LRRC38: variants seen among roughly 807,000 people sequenced by gnomAD.
LRRC38 encodes leucine rich repeat containing 38.
In LRRC38, 5 loss-of-function variants were observed where a neutral mutation model predicts 16.4. The ratio of observed to expected loss-of-function variants is 0.31; its 90% CI spans 0.16 to 0.64. LRRC38 has a LOEUF of 0.64. LRRC38 is among the 30% of genes least tolerant of loss of function. The pLI is 0.80. For missense variants in LRRC38, 341 were observed against 401.8 expected (o/e 0.85, Z 1.29); for synonymous variants, 191 against 190.2 (o/e 1.00, Z -0.04).
chr1:13,490,247 C>T (rs1638993639), intron 1 of LRRC38, among the ~76,000 whole-genome samples: 1 of 152,114 alleles, frequency 6.6e-6, no homozygotes, highest in African/African-American at 2.4e-5. Flanking sequence ...TAACCTCCGC[C>T]TCTCGGGTTC....
At chr1:13,481,431 G>A (rs577018076) in intron 1 of LRRC38, among the ~76,000 whole-genome samples, 46 of 146,198 alleles carry the variant, frequency 3.1e-4, no homozygotes, top group African/African-American at 1.1e-3. Context: ...TCGCTCTGTC[G>A]CCCAGGCTGG....
intron 1 of LRRC38, among the ~76,000 whole-genome samples, chr1:13,507,700 C>T (rs1639229241): frequency 6.6e-6 from 1 of 152,024 alleles, no homozygotes; most frequent in Admixed American, 6.5e-5. Context: ...GGTGTGGTGG[C>T]AGGCGCCTAT....
intron 1 of LRRC38, among the ~76,000 whole-genome samples, chr1:13,481,541 A>G (rs187591005): frequency 4.6e-4 from 69 of 151,422 alleles, no homozygotes; most frequent in African/African-American, 1.0e-3. Flanking sequence ...ACAGGCACCC[A>G]CCACCACGCC....
chr1:13,482,980 G>A (rs1326086055), intron 1 of LRRC38, among the ~76,000 whole-genome samples: 1 of 152,138 alleles, frequency 6.6e-6, no homozygotes, highest in East Asian at 1.9e-4. Context: ...GGGCCATGTA[G>A]CAGGGAAATG....
At chr1:13,482,770 C>G (rs1638885460) in intron 1 of LRRC38, among the ~76,000 whole-genome samples, 2 of 152,120 alleles carry the variant, frequency 1.3e-5, no homozygotes, top group Non-Finnish European at 2.9e-5. Context: ...CCTGACCTAT[C>G]CCGTCAGCTG....
chr1:13,478,656 G>C (rs773537528), intron 1 of LRRC38, among the ~76,000 whole-genome samples: 1 of 152,086 alleles, frequency 6.6e-6, no homozygotes, highest in Admixed American at 6.5e-5. Context: ...CCCATTTCCA[G>C]CATTATGTGA....
At chr1:13,483,428 C>T (rs973653074) in intron 1 of LRRC38, among the ~76,000 whole-genome samples, 2 of 152,178 alleles carry the variant, frequency 1.3e-5, no homozygotes, top group African/African-American at 2.4e-5. Context: ...GGATTACAGG[C>T]GTGAGCCACC....
chr1:13,509,239 T>C (rs963934554), intron 1 of LRRC38, among the ~76,000 whole-genome samples: 1 of 152,032 alleles, frequency 6.6e-6, no homozygotes, highest in African/African-American at 2.4e-5. Context: ...ATCTCTTTCC[T>C]AGTGCTGTAA....
chr1:13,497,962 CAAA>C (rs370605050), intron 1 of LRRC38, among the ~76,000 whole-genome samples: 3 of 69,012 alleles, frequency 4.3e-5, no homozygotes, highest in African/African-American at 1.7e-4. Flanking sequence ...AACTCCATCA[CAAA>C]AAAAAAAAAA....
In LRRC38 at chr1:13,475,467, C is replaced by T. The variant is rs1638775049; in HGVS notation, c.*379G>A. The T allele has an allele frequency of 4.5e-6, 1 of 223,842 alleles. No homozygotes were observed. The highest frequency in any genetic ancestry group is 8.3e-5 in the South Asian group (1 of 12,026). The allele number at this position is 223,842 out of a possible 1,614,324, so 13.9% of individuals were successfully genotyped here. A position where few individuals can be genotyped will look rare whatever the true frequency, so the allele number is the denominator to read the frequency against. On this transcript the variant is annotated 3_prime_UTR_variant, in exon 2 of 2. Transcript: ENST00000376085. This position sits in a 1 kb window ranked among gnomAD's most constrained non-coding sequence, Gnocchi z 4.3. Reference sequence around the variant, plus strand: ...GCAGATGTTTCATGATCTCCCAGTACAGGTCAGAAAAAGAATGGCGTAAAA... The same window carrying T: ...GCAGATGTTTCATGATCTCCCAGTATAGGTCAGAAAAAGAATGGCGTAAAA...
chr1:13,479,181 T>C (rs985302195), intron 1 of LRRC38, among the ~76,000 whole-genome samples: 1 of 151,854 alleles, frequency 6.6e-6, no homozygotes, highest in Non-Finnish European at 1.5e-5. Flanking sequence ...CAGACACTCA[T>C]GTCTTCAATG....
intron 1 of LRRC38, among the ~76,000 whole-genome samples, chr1:13,483,613 T>A (rs1638894735): frequency 6.6e-6 from 1 of 152,036 alleles, no homozygotes; most frequent in African/African-American, 2.4e-5. Flanking sequence ...AAATACAGAA[T>A]GAAGAGATGC....
In LRRC38 at chr1:13,482,609, G is replaced by A. The variant is rs60857680; in HGVS notation, c.632-6510C>T. Reference sequence around the variant, plus strand: ...AAAAAAAAAAAAAAGAAAGTGCAACGCCCCACAAGACAGGTCAAGGGCAAG... The same window carrying A: ...AAAAAAAAAAAAAAGAAAGTGCAACACCCCACAAGACAGGTCAAGGGCAAG... On this transcript the variant is annotated intron_variant, in intron 1 of 1. Transcript: ENST00000376085. Among the ~76,000 whole-genome samples the A allele has an allele frequency of 9.7e-3, 1,448 of 149,706 alleles. 18 individuals are homozygous for A. The highest frequency in any genetic ancestry group is 0.033 in the African/African-American group (1,362 of 40,764).
chr1:13,502,343 T>C (rs1011212292), intron 1 of LRRC38, among the ~76,000 whole-genome samples: 9 of 152,122 alleles, frequency 5.9e-5, no homozygotes, highest in African/African-American at 2.2e-4. Flanking sequence ...TGGTCACTTT[T>C]CCAGGGAACT....
Position 13,496,179 on chromosome 1 carries a change from G to A in LRRC38, c.631+16784C>T, listed in dbSNP as rs548733489. Among the ~76,000 whole-genome samples, 279 of 152,012 alleles carry A rather than the reference G, an allele frequency of 1.8e-3. 1 individual carries two copies. Among genetic ancestry groups the A allele is most frequent in the African/African-American group, 6.7e-3 (276 of 41,458 alleles). On this transcript the variant is annotated intron_variant, in intron 1 of 1. Transcript: ENST00000376085. ...CAAATATATATATATATTACGGAGA[G>A]AGAGAGATAGAGTGTCTCGTTCTGT...
At chr1:13,504,865 A>AAAGAG (rs1553121250) in intron 1 of LRRC38, among the ~76,000 whole-genome samples, 2 of 150,710 alleles carry the variant, frequency 1.3e-5, no homozygotes, top group Admixed American at 6.7e-5. Flanking sequence ...AGAAAAAAGA[A>AAAGAG]AAAGAGAAAG....
intron 1 of LRRC38, among the ~76,000 whole-genome samples, chr1:13,507,585 A>C (rs1048022483): frequency 6.6e-5 from 10 of 152,218 alleles, no homozygotes; most frequent in Admixed American, 3.9e-4. Flanking sequence ...TAATCCCAGC[A>C]CTTTGCCAGG....
chr1:13,508,128 T>C (rs1217239451), intron 1 of LRRC38, among the ~76,000 whole-genome samples: 1 of 151,958 alleles, frequency 6.6e-6, no homozygotes, highest in East Asian at 1.9e-4. Context: ...TCCCAGCTAC[T>C]GGGGAGGCTG....
chr1:13,506,325 G>T (rs1208738817), intron 1 of LRRC38, among the ~76,000 whole-genome samples: 1 of 152,152 alleles, frequency 6.6e-6, no homozygotes, highest in African/African-American at 2.4e-5. Context: ...GGACCGAAAG[G>T]GATGCACTCG....
Sources: gnomAD v4.1 joint callset for allele counts (sites outside exome capture counted in the v4.1 genomes callset) on GRCh38, gnomAD v4.1.1 for gene constraint, Gnocchi (gnomAD v3.1) non-coding constraint, MANE v1.5 for transcripts, NCBI Gene and HGNC (gene_info 2026-07-23, HGNC 2026-07-21) for gene names.